The following FHIT variants were observed in gnomAD, a reference collection of about 807,000 sequenced individuals.
FHIT encodes bis(5'-adenosyl)-triphosphatase.
Under a neutral mutation model 17.9 loss-of-function variants are expected in FHIT, and 19 were observed. That is an observed-to-expected ratio of 1.06 (90% CI 0.74 to 1.56). FHIT has a LOEUF of 1.56. Among genes scored for constraint, FHIT ranks in the 40% most tolerant of loss-of-function variants. The pLI is 0.00. For synonymous variants in FHIT, 81 were observed against 69.7 expected, an observed-to-expected ratio of 1.16 and a Z score of -0.81; for missense variants, 248 against 189.2, an observed-to-expected ratio of 1.31 and a Z score of -1.82.
At chr3:60,126,678 C>A (rs552686962) in intron 5 of FHIT, among the ~76,000 whole-genome samples, 1 of 152,292 alleles carries the variant, frequency 6.6e-6, no homozygotes, top group South Asian at 2.1e-4. Flanking sequence ...CAACCCAATC[C>A]ACAGCACACG....
At chr3:59,894,182 C>A (rs975656294) in intron 8 of FHIT, among the ~76,000 whole-genome samples, 5 of 152,048 alleles carry the variant, frequency 3.3e-5, no homozygotes, top group African/African-American at 1.2e-4. Flanking sequence ...AACGTCAAGG[C>A]TGCAGTGAGC....
chr3:60,333,423 A>G (rs1710082066), intron 5 of FHIT, among the ~76,000 whole-genome samples: 1 of 152,184 alleles, frequency 6.6e-6, no homozygotes, highest in South Asian at 2.1e-4. Context: ...CATGTGAAAA[A>G]CAGTATTGCT....
chr3:60,793,025 C>T (rs1269449832), intron 4 of FHIT, among the ~76,000 whole-genome samples: 1 of 152,030 alleles, frequency 6.6e-6, no homozygotes, highest in African/African-American at 2.4e-5. Flanking sequence ...AAAGCAGGGG[C>T]TGAAGTCAGG....
chr3:60,022,300 G>A (rs984333678), intron 5 of FHIT, among the ~76,000 whole-genome samples: 3 of 152,216 alleles, frequency 2.0e-5, no homozygotes, highest in Admixed American at 1.3e-4. Flanking sequence ...CATCAAATGG[G>A]ATATGGCAGT....
intron 4 of FHIT, chr3:60,732,751 A>C: frequency 3.6e-6 from 1 of 274,532 alleles, no homozygotes; most frequent in South Asian, 3.8e-5. Context: ...CAGCGGCACA[A>C]TCTCGGCTCA....
intron 4 of FHIT, among the ~76,000 whole-genome samples, chr3:60,719,067 A>G (rs1553707460): frequency 6.6e-6 from 1 of 152,196 alleles, no homozygotes; most frequent in Non-Finnish European, 1.5e-5. Flanking sequence ...GGCATGCCCA[A>G]CAGCCAGCCC....
chr3:60,575,095 C>T (rs2037521320), intron 4 of FHIT, among the ~76,000 whole-genome samples: 1 of 151,990 alleles, frequency 6.6e-6, no homozygotes, highest in Non-Finnish European at 1.5e-5. Flanking sequence ...TTCCTTCTGG[C>T]AGGTAAGACA....
At chr3:60,523,679 C>A (rs879310674) in intron 5 of FHIT, among the ~76,000 whole-genome samples, 2 of 152,098 alleles carry the variant, frequency 1.3e-5, no homozygotes, top group Admixed American at 1.3e-4. Flanking sequence ...TCTCATGAGC[C>A]GACGAGTTAT....
intron 5 of FHIT, among the ~76,000 whole-genome samples, chr3:60,363,391 A>G (rs1699981505): frequency 6.6e-6 from 1 of 152,150 alleles, no homozygotes; most frequent in Non-Finnish European, 1.5e-5. Flanking sequence ...TAATCACCTT[A>G]TCATTCTTTT....
chr3:60,388,604 A>G (rs932682290), intron 5 of FHIT, among the ~76,000 whole-genome samples: 1 of 152,074 alleles, frequency 6.6e-6, no homozygotes, highest in African/African-American at 2.4e-5. Flanking sequence ...CTCCAAACAA[A>G]ACGAAACCAC....
chr3:60,519,308 C>T (rs541241593), intron 5 of FHIT, among the ~76,000 whole-genome samples: 24 of 152,242 alleles, frequency 1.6e-4, no homozygotes, highest in African/African-American at 5.3e-4. Context: ...TTAAACAAAA[C>T]GTTTATTTAG....
intron 5 of FHIT, among the ~76,000 whole-genome samples, chr3:60,112,862 G>C (rs560756515): frequency 6.6e-6 from 1 of 152,224 alleles, no homozygotes; most frequent in South Asian, 2.1e-4. Flanking sequence ...CTCTTTCCTG[G>C]CTATGGCATA....
chr3:60,818,843 T>C (rs1701824224), intron 4 of FHIT, among the ~76,000 whole-genome samples: 6 of 152,108 alleles, frequency 3.9e-5, no homozygotes, highest in Admixed American at 6.6e-5. Flanking sequence ...CTGTGAGTTT[T>C]CTATTGGAGG....
At chr3:60,151,745 A>G (rs1700473748) in intron 5 of FHIT, among the ~76,000 whole-genome samples, 2 of 151,996 alleles carry the variant, frequency 1.3e-5, no homozygotes, top group Admixed American at 1.3e-4. Flanking sequence ...TTTCCTCTTA[A>G]TACTTCCAAG....
chr3:60,534,130 T>A (rs1467474410), intron 5 of FHIT, among the ~76,000 whole-genome samples: 3 of 152,102 alleles, frequency 2.0e-5, no homozygotes, highest in African/African-American at 7.2e-5. Context: ...AGTACCTTAT[T>A]AAGATGCGTC....
At chr3:60,123,995 T>C (rs375871866) in intron 5 of FHIT, among the ~76,000 whole-genome samples, 22 of 36,660 alleles carry the variant, frequency 6.0e-4, no homozygotes, top group African/African-American at 2.1e-3. Flanking sequence ...TATATATATA[T>C]ATATATATAT....
intron 5 of FHIT, among the ~76,000 whole-genome samples, chr3:60,528,282 T>A (rs968630808): frequency 6.6e-6 from 1 of 152,194 alleles, no homozygotes; most frequent in Non-Finnish European, 1.5e-5. Context: ...AAACAAAATA[T>A]TGACTCCAAT....
intron 5 of FHIT, among the ~76,000 whole-genome samples, chr3:60,021,895 A>G (rs372725112): frequency 2.6e-5 from 4 of 152,310 alleles, no homozygotes; most frequent in East Asian, 3.9e-4. Flanking sequence ...TATACAGAAA[A>G]AAAACTGTGC....
At chr3:60,633,341 CA>C (rs1312972874) in intron 4 of FHIT, among the ~76,000 whole-genome samples, 2 of 152,174 alleles carry the variant, frequency 1.3e-5, no homozygotes, top group Admixed American at 1.3e-4. Context: ...GAAAGCTCCA[CA>C]ACTACTGCAA....
Sources: allele counts gnomAD v4.1 joint callset (sites outside exome capture counted in the v4.1 genomes callset), GRCh38; gene constraint gnomAD v4.1.1; transcripts MANE v1.5; gene names NCBI Gene and HGNC (gene_info 2026-07-23, HGNC 2026-07-21).